Variants in COL4A3 observed in about 807,000 individuals in gnomAD.
COL4A3 encodes the protein collagen type IV alpha 3 chain, also known as collagen alpha-3(IV) chain.
A neutral mutation model predicts 217.4 loss-of-function variants in COL4A3; 135 were observed. The ratio of observed to expected loss-of-function variants is 0.62; its 90% confidence interval spans 0.54 to 0.72. The LOEUF (loss-of-function observed/expected upper bound fraction) is 0.72. Ranked by LOEUF, COL4A3 falls within the 30% of genes least tolerant of loss-of-function variation. The pLI is 0.00. For synonymous variants in COL4A3, 690 were observed against 736.3 expected (o/e 0.94, Z 1.02); for missense variants, 1,868 against 2,119.9 (o/e 0.88, Z 2.33).
chr2:227,176,156 A>G (rs188103114), intron 1 of COL4A3, among the ~76,000 whole-genome samples: 5 of 152,214 alleles, frequency 3.3e-5, no homozygotes, highest in Non-Finnish European at 7.3e-5. Flanking sequence ...GCAATTGCTC[A>G]GTCTGTCCCG....
Position 227,309,096 on chromosome 2 carries a change from G to A in COL4A3, c.4640+20G>A, listed in dbSNP as rs2073635618. The A allele has an allele frequency of 6.2e-7, 1 of 1,613,836 alleles. No individual in the cohort carries two copies. The highest frequency in any genetic ancestry group is 2.2e-5 in the East Asian group (1 of 44,888). Reference sequence around the variant, plus strand: ...AAGCAGGTAAAAATCCAATCCCCTAGTTTTACAATGGGACCAAGTGAATCA... The same window carrying A: ...AAGCAGGTAAAAATCCAATCCCCTAATTTTACAATGGGACCAAGTGAATCA... On this transcript the variant is annotated intron_variant, in intron 49 of 51. Coordinates refer to ENST00000396578, the MANE Select transcript of COL4A3 (RefSeq NM_000091.5).
chr2:227,267,569 TG>T (rs2070979798), intron 23 of COL4A3, among the ~76,000 whole-genome samples: 1 of 152,222 alleles, frequency 6.6e-6, no homozygotes, highest in Non-Finnish European at 1.5e-5. Context: ...ACATCCTCCG[TG>T]CTGGGGACAA....
chr2:227,304,170 G>A, intron 46 of COL4A3, 26 bp downstream of exon 46: 2 of 1,613,250 alleles, frequency 1.2e-6, no homozygotes, highest in Non-Finnish European at 8.5e-7. Context: ...CATTGACTTG[G>A]ATCACTAGGA....
chr2:227,287,289 G>T (rs1574795503), intron 34 of COL4A3, among the ~76,000 whole-genome samples: 1 of 152,232 alleles, frequency 6.6e-6, no homozygotes, highest in African/African-American at 2.4e-5. Context: ...AAAATTAGCG[G>T]GCGTGGTGGC....
intron 35 of COL4A3, among the ~76,000 whole-genome samples, chr2:227,289,776 T>C (rs1039609772): frequency 1.3e-5 from 2 of 152,180 alleles, no homozygotes; most frequent in African/African-American, 4.8e-5. Context: ...ATTTTAGTGT[T>C]TGAAACCCAG....
At chr2:227,307,683 G>A in intron 47 of COL4A3, 27 bp from the exon 48 acceptor site, 2 of 1,595,270 alleles carry the variant, frequency 1.3e-6, no homozygotes, top group Non-Finnish European at 1.7e-6. Flanking sequence ...TGTGTATGTT[G>A]CAACATTTAG....
chr2:227,181,282 T>G (rs2065859786), intron 1 of COL4A3, among the ~76,000 whole-genome samples: 1 of 152,212 alleles, frequency 6.6e-6, no homozygotes, highest in African/African-American at 2.4e-5. Flanking sequence ...CAAATTCCAT[T>G]AATGCGTAGT....
At chr2:227,213,398 A>T (rs1364300228) in intron 1 of COL4A3, among the ~76,000 whole-genome samples, 1 of 152,146 alleles carries the variant, frequency 6.6e-6, no homozygotes. Context: ...GTGGGCTAAG[A>T]GGCAAGGTCC....
intron 1 of COL4A3, among the ~76,000 whole-genome samples, chr2:227,229,772 G>A (rs1330086531): frequency 6.6e-6 from 1 of 152,142 alleles, no homozygotes; most frequent in Non-Finnish European, 1.5e-5. Flanking sequence ...TTCCCGGCCG[G>A]GCGCGGTGGC....
chr2:227,266,576 T>TC, intron 22 of COL4A3, 67 bp downstream of exon 22: 3 of 1,253,918 alleles, frequency 2.4e-6, no homozygotes, highest in Non-Finnish European at 3.5e-6. Context: ...CACTGATTTT[T>TC]CCCCCTGAGA....
At chr2:227,268,523 A>G (rs2071051109) in intron 23 of COL4A3, 1 of 152,266 alleles carries the variant, frequency 6.6e-6, no homozygotes, top group South Asian at 2.1e-4. Flanking sequence ...ACTGGGTCTC[A>G]ATCCAAAGAT....
chr2:227,224,710 A>G (rs1257736983), intron 1 of COL4A3, among the ~76,000 whole-genome samples: 4 of 152,084 alleles, frequency 2.6e-5, no homozygotes, highest in African/African-American at 7.2e-5. Context: ...AGCCGAGATC[A>G]TGCCATTGCA....
At chr2:227,237,759 C>T in intron 1 of COL4A3, 1 of 483,196 alleles carries the variant, frequency 2.1e-6, no homozygotes. Context: ...TCCGACATTT[C>T]TCCCTTATGC....
rs2073797071 is a variant in COL4A3 at position 227,312,978 on chromosome 2, A to G, written c.*1108A>G. 1 of 152,378 alleles carries G rather than the reference A, an allele frequency of 6.6e-6. No individual in the cohort carries two copies. The highest frequency in any genetic ancestry group is 1.5e-5 in the Non-Finnish European group (1 of 68,006). 9.4% of individuals were successfully genotyped at this position (152,378 alleles called of 1,614,324 possible). A position where few individuals can be genotyped will look rare whatever the true frequency, so the allele number is the denominator to read the frequency against. ...ATGTTATATGTTGTTCTTACAAACCATACTGAAAGAGTCCATTGTTTAAAA... is the reference window on the plus strand; with the variant it reads ...ATGTTATATGTTGTTCTTACAAACCGTACTGAAAGAGTCCATTGTTTAAAA... On this transcript the variant is annotated 3_prime_UTR_variant, in exon 52 of 52. Transcript: ENST00000396578.
At chr2:227,222,109 G>A (rs1385643094) in intron 1 of COL4A3, among the ~76,000 whole-genome samples, 4 of 145,456 alleles carry the variant, frequency 2.7e-5, no homozygotes, top group African/African-American at 7.6e-5. Flanking sequence ...GACAACATAC[G>A]GAGACACTGT....
intron 1 of COL4A3, among the ~76,000 whole-genome samples, chr2:227,195,665 A>ATG (rs769877364): frequency 0.038 from 4,931 of 128,850 alleles, 99 homozygotes; most frequent in Non-Finnish European, 0.043. Flanking sequence ...ATATATATAT[A>ATG]TATGTGTGTG....
chr2:227,227,213 G>A (rs73996239), intron 1 of COL4A3, among the ~76,000 whole-genome samples: 12,828 of 152,148 alleles, frequency 0.084, 851 homozygotes, highest in African/African-American at 0.18. Context: ...GGGATTTTAC[G>A]TCCCATCATG....
At chr2:227,302,960 T>C in intron 43 of COL4A3, 78 bp from the exon 44 acceptor site, 1 of 885,172 alleles carries the variant, frequency 1.1e-6, no homozygotes, top group Non-Finnish European at 1.9e-6. Context: ...ATACCCTATT[T>C]GCATTTTTAA....
chr2:227,212,291 T>G (rs749728028), intron 1 of COL4A3, among the ~76,000 whole-genome samples: 21 of 152,182 alleles, frequency 1.4e-4, no homozygotes, highest in Admixed American at 3.3e-4. Context: ...ATAGTAGAAT[T>G]TATCCATCTT....
Sources: gnomAD v4.1 joint callset for allele counts (sites outside exome capture counted in the v4.1 genomes callset) on GRCh38, gnomAD v4.1.1 for gene constraint, MANE v1.5 for transcripts, NCBI Gene and HGNC (gene_info 2026-07-23, HGNC 2026-07-21) for gene names.